Variants in FRMD3 observed in about 807,000 individuals in gnomAD.
FRMD3 encodes the protein FERM domain containing 3.
FRMD3 carries 33 observed loss-of-function variants against 70.2 expected under a neutral mutation model. That is an observed-to-expected ratio of 0.47 (90% CI 0.36 to 0.63). The LOEUF (loss-of-function observed/expected upper bound fraction) is 0.63. FRMD3 is among the 20% of genes least tolerant of loss of function. The probability of loss-of-function intolerance (pLI) is 0.00; values close to 1 mark genes in which losing one functional copy is unlikely to be tolerated. For missense variants in FRMD3, 632 were observed against 711.4 expected (o/e 0.89, Z 1.27); for synonymous variants, 279 against 255.9 (o/e 1.09, Z -0.86).
intron 1 of FRMD3, among the ~76,000 whole-genome samples, chr9:83,485,005 T>G (rs894300272): frequency 6.6e-5 from 10 of 152,158 alleles, no homozygotes; most frequent in African/African-American, 2.4e-4. Flanking sequence ...GTACTGGAGG[T>G]CTATCGTAAT....
At chr9:83,331,961 C>T (rs754708427) in intron 6 of FRMD3, 33 of 705,262 alleles carry the variant, frequency 4.7e-5, no homozygotes, top group Non-Finnish European at 1.8e-5. Flanking sequence ...CGAAATGAAG[C>T]ATGACCTTCC....
intron 6 of FRMD3, among the ~76,000 whole-genome samples, chr9:83,316,019 G>C (rs1394635647): frequency 4.6e-5 from 7 of 152,058 alleles, no homozygotes; most frequent in African/African-American, 1.7e-4. Context: ...ATCTTCCACA[G>C]ATGTTGCAGG....
chr9:83,500,911 A>G lies in FRMD3; in HGVS notation c.147+37174T>C, dbSNP rs547780962. On this transcript the variant is annotated intron_variant, in intron 1 of 13. Coordinates refer to ENST00000304195, the MANE Select transcript of FRMD3 (RefSeq NM_174938.6). ...TAATTATTAGGCACACTCTTGGGAGAGGTAACAAAGAAAGAATTAACTGAA... is the reference window on the plus strand; with the variant it reads ...TAATTATTAGGCACACTCTTGGGAGGGGTAACAAAGAAAGAATTAACTGAA... Among the ~76,000 whole-genome samples, 40 of 152,314 alleles carry G rather than the reference A, an allele frequency of 2.6e-4. No individual in the cohort carries two copies. The South Asian group carries it at 8.3e-3, about 32-fold the overall frequency.
intron 7 of FRMD3, among the ~76,000 whole-genome samples, chr9:83,312,435 T>C (rs1454605666): frequency 6.6e-6 from 1 of 152,208 alleles, no homozygotes; most frequent in Non-Finnish European, 1.5e-5. Flanking sequence ...CCAGAAAAGC[T>C]TACTGTGCTT....
intron 3 of FRMD3, among the ~76,000 whole-genome samples, chr9:83,365,894 A>T (rs576689067): frequency 6.6e-6 from 1 of 152,278 alleles, no homozygotes; most frequent in African/African-American, 2.4e-5. Flanking sequence ...AGAGACTTGG[A>T]GTGGAGGCCA....
chr9:83,463,213 T>C (rs11140109), intron 1 of FRMD3, among the ~76,000 whole-genome samples: 20,020 of 152,212 alleles, frequency 0.13, 1,583 homozygotes, highest in East Asian at 0.2. Flanking sequence ...TACTGAAATA[T>C]TCAGGATTCC....
rs533423230 is a variant in FRMD3, at chr9:83,536,839, T to C, written c.147+1246A>G. Among the ~76,000 whole-genome samples the C allele has an allele frequency of 4.2e-4, 63 of 150,788 alleles. 2 individuals are homozygous for C. The South Asian group carries it at 0.012, about 29-fold the overall frequency. ...CAGGGAAAGTCCTTTCATTCCTTCA[T>C]GGTTTGCACAGCCTAGAGGCTGATT... On this transcript the variant is annotated intron_variant, in intron 1 of 13. Transcript: ENST00000304195.
intron 1 of FRMD3, among the ~76,000 whole-genome samples, chr9:83,448,563 C>G (rs771966974): frequency 6.6e-6 from 1 of 152,138 alleles, no homozygotes; most frequent in Non-Finnish European, 1.5e-5. Flanking sequence ...GGTAGCAAGT[C>G]AGCACCAGCT....
the FRMD3 span, among the ~76,000 whole-genome samples, chr9:83,558,281 C>T: frequency 1.5e-4 from 20 of 132,416 alleles, no homozygotes; most frequent in East Asian, 6.7e-4. Context: ...TGTGTGTGCG[C>T]GCGCGCACGC....
intron 10 of FRMD3, among the ~76,000 whole-genome samples, chr9:83,307,101 C>T (rs1478662243): frequency 6.6e-6 from 1 of 151,928 alleles, no homozygotes; most frequent in African/African-American, 2.4e-5. Flanking sequence ...CTTGTTTTTG[C>T]CTTGTTTCTT....
At chr9:83,538,508 C>T (rs1829954408), upstream of FRMD3, 1 of 291,860 alleles carries the variant, frequency 3.4e-6, no homozygotes, top group Non-Finnish European at 6.3e-6. The surrounding 1 kb of genome is among the most constrained non-coding windows in gnomAD (Gnocchi z 4.7). Flanking sequence ...GCTCGCTCGC[C>T]GAGGACGCCC....
At chr9:83,391,983 G>A (rs531954204) in intron 1 of FRMD3, among the ~76,000 whole-genome samples, 6 of 152,036 alleles carry the variant, frequency 3.9e-5, no homozygotes, top group Admixed American at 1.3e-4. Context: ...CAGTTAATTC[G>A]CATGCACATT....
At chr9:83,310,682 C>A in intron 8 of FRMD3, 134 bp from the exon 9 acceptor site, 1 of 666,446 alleles carries the variant, frequency 1.5e-6, no homozygotes, top group East Asian at 2.6e-5. Context: ...TGGTGAAGGT[C>A]TAATGGGCAG....
At chr9:83,258,577 G>T (rs75720405) in intron 13 of FRMD3, among the ~76,000 whole-genome samples, 1 of 152,360 alleles carries the variant, frequency 6.6e-6, no homozygotes, top group Non-Finnish European at 1.5e-5. Flanking sequence ...CTGTGGAAAG[G>T]ATCGAACTGA....
the FRMD3 span, among the ~76,000 whole-genome samples, chr9:83,559,250 G>C: frequency 6.6e-6 from 1 of 152,138 alleles, no homozygotes. Flanking sequence ...TTAAGAAATT[G>C]CCACAGCCAC....
chr9:83,467,129 A>C (rs985247411), intron 1 of FRMD3, among the ~76,000 whole-genome samples: 3 of 152,228 alleles, frequency 2.0e-5, no homozygotes, highest in African/African-American at 7.2e-5. Context: ...GAAAACCACC[A>C]AACTATTTGC....
chr9:83,311,860 A>G lies in FRMD3; in HGVS notation c.773+27T>C, dbSNP rs549575632. On this transcript the variant is annotated intron_variant, in intron 8 of 13. Transcript: ENST00000304195. ...AGGAATCAAGATTAAGAAAAATGGA[A>G]AGCCAGTTTTCCAAAGAGGCACTTA... 17 of 1,499,002 alleles carry G rather than the reference A, an allele frequency of 1.1e-5. No homozygotes were observed. In the African/African-American group the frequency reaches 2.4e-4, roughly 21 times the overall value. The allele number at this position is 1,499,002 out of a possible 1,614,324, so 92.9% of individuals were successfully genotyped here.
At chr9:83,414,729 G>A (rs1826381343) in intron 1 of FRMD3, among the ~76,000 whole-genome samples, 1 of 152,224 alleles carries the variant, frequency 6.6e-6, no homozygotes, top group Non-Finnish European at 1.5e-5. Flanking sequence ...TGATAAATGT[G>A]TGTACCTTTT....
At chr9:83,535,618 A>AT (rs36112441) in intron 1 of FRMD3, among the ~76,000 whole-genome samples, 212 of 148,720 alleles carry the variant, frequency 1.4e-3, no homozygotes, top group African/African-American at 3.8e-3. Context: ...ACTTTTTGTG[A>AT]TTTTTTTTTT....
Sources: gnomAD v4.1 joint callset for allele counts (sites outside exome capture counted in the v4.1 genomes callset) on GRCh38, gnomAD v4.1.1 for gene constraint, Gnocchi (gnomAD v3.1) non-coding constraint, MANE v1.5 for transcripts, NCBI Gene and HGNC (gene_info 2026-07-23, HGNC 2026-07-21) for gene names.